Variants in DENND1B observed in about 807,000 individuals in gnomAD.
The protein encoded by DENND1B is DENN domain containing 1B, also known as DENN domain-containing protein 1B.
Under a neutral mutation model 90.1 loss-of-function variants are expected in DENND1B, and 59 were observed. The ratio of observed to expected loss-of-function variants is 0.65; its 90% CI spans 0.53 to 0.81. DENND1B has a LOEUF of 0.81. DENND1B is among the 40% of genes least tolerant of loss of function. DENND1B has a pLI of 0.00. For missense variants in DENND1B, 862 were observed against 912.6 expected (o/e 0.94, Z 0.71); for synonymous variants, 337 against 324.6 (o/e 1.04, Z -0.41).
chr1:197,749,709 A>G (rs1253984074), intron 2 of DENND1B, among the ~76,000 whole-genome samples: 1 of 152,156 alleles, frequency 6.6e-6, no homozygotes, highest in Non-Finnish European at 1.5e-5. Context: ...GGTAAATAGT[A>G]GGTACATAAG....
chr1:197,575,846 A>G (rs777893671), intron 15 of DENND1B, among the ~76,000 whole-genome samples: 4 of 152,194 alleles, frequency 2.6e-5, no homozygotes, highest in Admixed American at 6.5e-5. Flanking sequence ...AAAACCAAAC[A>G]TTGCATGTTC....
intron 2 of DENND1B, among the ~76,000 whole-genome samples, chr1:197,746,118 A>G (rs1161628016): frequency 2.0e-5 from 3 of 152,202 alleles, no homozygotes; most frequent in African/African-American, 7.2e-5. Flanking sequence ...CAAGGCCAGC[A>G]TGTTTGCTCA....
At chr1:197,713,684 T>C (rs1483313855) in intron 3 of DENND1B, among the ~76,000 whole-genome samples, 2 of 87,396 alleles carry the variant, frequency 2.3e-5, no homozygotes, top group Non-Finnish European at 4.3e-5. Flanking sequence ...TGTATACATA[T>C]GTAACTAACC....
At position 197,613,450 on chromosome 1, in the gene DENND1B, A is replaced by T. The variant is rs1411125727; in HGVS notation, c.774-1474T>A. 2.7e-5 allele frequency among the ~76,000 whole-genome samples: 4 copies of T among 150,334 alleles called. No individual in the cohort carries two copies. The East Asian group carries it at 7.9e-4, about 30-fold the overall frequency. On this transcript the variant is annotated intron_variant, in intron 11 of 22. Coordinates refer to ENST00000620048, the MANE Select transcript of DENND1B (RefSeq NM_001195215.2). ...TTTTTTTTTAATTTGAATGCAAGAG[A>T]CCATCTGGAATTGATCTGATATTCT...
chr1:197,731,231 A>C (rs868803166), intron 2 of DENND1B, among the ~76,000 whole-genome samples: 42 of 152,164 alleles, frequency 2.8e-4, no homozygotes, highest in Non-Finnish European at 1.2e-4. Context: ...TGGAACAACA[A>C]ACAGAATCAC....
chr1:197,599,304 T>C (rs1437477444), intron 13 of DENND1B, among the ~76,000 whole-genome samples: 1 of 151,894 alleles, frequency 6.6e-6, no homozygotes, highest in East Asian at 1.9e-4. Flanking sequence ...ATGTGATTTC[T>C]AGATATGCTT....
At chr1:197,674,190 A>G in intron 3 of DENND1B, 21 bp from the exon 4 acceptor site, 1 of 1,547,306 alleles carries the variant, frequency 6.5e-7, no homozygotes. Flanking sequence ...AAATTTCAAA[A>G]AAAAGAAATA....
intron 20 of DENND1B, among the ~76,000 whole-genome samples, chr1:197,518,316 G>A (rs897285333): frequency 2.6e-5 from 4 of 151,796 alleles, no homozygotes; most frequent in African/African-American, 4.8e-5. Context: ...TATAACCAAC[G>A]CCTTATCTTA....
intron 10 of DENND1B, 85 bp from the exon 11 acceptor site, chr1:197,617,844 G>C (rs542913831): frequency 1.6e-4 from 143 of 869,876 alleles, no homozygotes; most frequent in African/African-American, 1.5e-3. Flanking sequence ...ACAATGAACA[G>C]TAATCACAGA....
intron 3 of DENND1B, among the ~76,000 whole-genome samples, chr1:197,705,595 T>A (rs1055060791): frequency 6.6e-6 from 1 of 151,072 alleles, no homozygotes; most frequent in African/African-American, 2.4e-5. Flanking sequence ...TTAGCAGTCT[T>A]CAGAACCCCT....
chr1:197,592,217 A>G lies in DENND1B; in HGVS notation c.1047+2991T>C, dbSNP rs1675301575. Among the ~76,000 whole-genome samples the G allele has an allele frequency of 1.3e-5, 2 of 151,960 alleles. 1 individual carries two copies. Among genetic ancestry groups the G allele is most frequent in the South Asian group, 4.2e-4 (2 of 4,818 alleles). On this transcript the variant is annotated intron_variant, in intron 14 of 22. Transcript: ENST00000620048. Reference sequence around the variant, plus strand: ...CGTGAAAAAAACAGATTCAAACCTAAGCCCCACTCTTCACTAGCTAGAGAA... The same window carrying G: ...CGTGAAAAAAACAGATTCAAACCTAGGCCCCACTCTTCACTAGCTAGAGAA...
intron 2 of DENND1B, among the ~76,000 whole-genome samples, chr1:197,760,815 T>TATG (rs1394386397): frequency 6.6e-6 from 1 of 152,156 alleles, no homozygotes; most frequent in African/African-American, 2.4e-5. Context: ...CGGGCTCATT[T>TATG]ATGTCTTCAA....
chr1:197,570,986 A>G lies in DENND1B; in HGVS notation c.1149+12166T>C, dbSNP rs187286679. Among the ~76,000 whole-genome samples, 887 of 152,320 alleles carry G rather than the reference A, an allele frequency of 5.8e-3. 9 individuals are homozygous for G. Among genetic ancestry groups the G allele is most frequent in the Non-Finnish European group, 0.011 (720 of 68,026 alleles). The stretch of plus-strand genomic sequence containing the variant: ...AATAAGACAGTTATTTAAAATGTCA[A>G]TATAAAAAGACATATATGAACATTA... On this transcript the variant is annotated intron_variant, in intron 15 of 22. Transcript: ENST00000620048.
intron 10 of DENND1B, among the ~76,000 whole-genome samples, chr1:197,627,879 C>T (rs573124270): frequency 9.0e-4 from 137 of 152,188 alleles, no homozygotes; most frequent in African/African-American, 3.1e-3. Context: ...TTCTTATACA[C>T]CAATAACAGA....
At position 197,544,816 on chromosome 1, in the gene DENND1B, AGAG is replaced by A. The variant is rs1185600207; in HGVS notation, c.1350+1103_1350+1105del. ...AAGAGGAGGAAGAAGAAGAAGAGGAAGAGGAGGAAGAAGAGGAAGAGGAGGAAG... is the reference window on the plus strand; with the variant it reads ...AAGAGGAGGAAGAAGAAGAAGAGGAAGAGGAAGAAGAGGAAGAGGAGGAAG... On this transcript the variant is annotated intron_variant, in intron 18 of 22. Transcript: ENST00000620048. Among the ~76,000 whole-genome samples the A allele has an allele frequency of 4.8e-3, 706 of 148,444 alleles. 7 individuals are homozygous for A. The highest frequency in any genetic ancestry group is 0.016 in the African/African-American group (660 of 40,052).
chr1:197,557,839 T>A (rs151000069), intron 15 of DENND1B, among the ~76,000 whole-genome samples: 79 of 151,960 alleles, frequency 5.2e-4, no homozygotes, highest in African/African-American at 1.9e-3. Context: ...TCTGGAGCAT[T>A]TCATAATAAG....
chr1:197,722,703 A>T (rs1661294427), intron 2 of DENND1B, among the ~76,000 whole-genome samples: 1 of 152,138 alleles, frequency 6.6e-6, no homozygotes, highest in South Asian at 2.1e-4. Context: ...TGTAAGTTTG[A>T]TTCACACAAA....
chr1:197,602,583 C>T (rs151268133), intron 13 of DENND1B, among the ~76,000 whole-genome samples: 15 of 151,300 alleles, frequency 9.9e-5, no homozygotes, highest in Admixed American at 9.3e-4. Context: ...TTCTCTGGGG[C>T]CCTTTTTTTT....
intron 20 of DENND1B, among the ~76,000 whole-genome samples, chr1:197,529,860 C>T (rs1669494672): frequency 6.6e-6 from 1 of 152,070 alleles, no homozygotes; most frequent in Admixed American, 6.6e-5. Flanking sequence ...CTGTTCTGCA[C>T]CATGACCAGT....
Sources: allele counts gnomAD v4.1 joint callset (sites outside exome capture counted in the v4.1 genomes callset), GRCh38; gene constraint gnomAD v4.1.1; transcripts MANE v1.5; gene names NCBI Gene and HGNC (gene_info 2026-07-23, HGNC 2026-07-21).